The following RNF150 variants were observed in gnomAD, a reference collection of about 807,000 sequenced individuals.
The protein encoded by RNF150 is ring finger protein 150.
A neutral mutation model predicts 39.3 loss-of-function variants in RNF150; 24 were observed. That is an observed-to-expected ratio of 0.61 (90% confidence interval 0.44 to 0.86). RNF150 has a LOEUF of 0.86. Among genes scored for constraint, RNF150 ranks in the 40% least tolerant of loss-of-function variants. The pLI, the probability that RNF150 is intolerant of heterozygous loss-of-function variation, is 0.00. For synonymous variants in RNF150, 255 were observed against 227.3 expected (o/e 1.12, Z -1.10); for missense variants, 502 against 587.8 (o/e 0.85, Z 1.51).
chr4:140,919,838 G>A (rs910583543), intron 5 of RNF150, among the ~76,000 whole-genome samples: 20 of 152,020 alleles, frequency 1.3e-4, no homozygotes, highest in African/African-American at 4.6e-4. Flanking sequence ...CCAAAACAGA[G>A]ATATAGATCA....
intron 1 of RNF150, among the ~76,000 whole-genome samples, chr4:141,027,912 G>GA: frequency 3.7e-5 from 1 of 27,102 alleles, no homozygotes; most frequent in South Asian, 1.0e-3. Flanking sequence ...CTTGGAATTT[G>GA]TTTTTTTTTT....
At chr4:141,140,483 C>T (rs540221623) in intron 1 of RNF150, among the ~76,000 whole-genome samples, 5 of 152,306 alleles carry the variant, frequency 3.3e-5, no homozygotes, top group Admixed American at 6.5e-5. Flanking sequence ...ACTCTCACCA[C>T]AATACATCTG....
intron 1 of RNF150, among the ~76,000 whole-genome samples, chr4:140,993,751 A>C (rs1280502742): frequency 6.6e-6 from 1 of 152,224 alleles, no homozygotes. Flanking sequence ...AAAGATGATA[A>C]GGAGGGTTAT....
At chr4:141,183,512 GATTTT>G (rs36225891) in intron 1 of RNF150, among the ~76,000 whole-genome samples, 4,458 of 151,970 alleles carry the variant, frequency 0.029, 193 homozygotes, top group African/African-American at 0.096. Context: ...ATGTCCTCAA[GATTTT>G]ATTTTATTTT....
At chr4:141,059,691 C>T (rs1014571373) in intron 1 of RNF150, among the ~76,000 whole-genome samples, 1 of 151,968 alleles carries the variant, frequency 6.6e-6, no homozygotes, top group African/African-American at 2.4e-5. Context: ...AGACAATTTA[C>T]CTGAAAATGT....
At chr4:140,935,858 T>C (rs1233832957) in intron 4 of RNF150, among the ~76,000 whole-genome samples, 5 of 152,172 alleles carry the variant, frequency 3.3e-5, no homozygotes, top group Admixed American at 3.3e-4. Flanking sequence ...TTCTTAAGTG[T>C]GTGTATGTTT....
chr4:141,051,282 A>G (rs1000662000), intron 1 of RNF150, among the ~76,000 whole-genome samples: 1 of 152,148 alleles, frequency 6.6e-6, no homozygotes, highest in Non-Finnish European at 1.5e-5. Flanking sequence ...AAGACCTCTG[A>G]CATGCCCTGG....
chr4:141,149,824 G>C (rs970747418), intron 1 of RNF150, among the ~76,000 whole-genome samples: 2 of 152,186 alleles, frequency 1.3e-5, no homozygotes, highest in African/African-American at 4.8e-5. Flanking sequence ...GTTTTCCATA[G>C]CAGTGGTACT....
intron 1 of RNF150, among the ~76,000 whole-genome samples, chr4:141,032,031 CACATATATATATAA>C (rs1171357617): frequency 6.6e-6 from 1 of 151,562 alleles, no homozygotes; most frequent in East Asian, 1.9e-4. Flanking sequence ...TATATATACA[CACATATATATATAA>C]ACATATATAT....
chr4:141,016,601 T>G (rs1162595354), intron 1 of RNF150, among the ~76,000 whole-genome samples: 1 of 152,216 alleles, frequency 6.6e-6, no homozygotes, highest in Non-Finnish European at 1.5e-5. Context: ...GCTCTTGAAT[T>G]CCTTCCTGAG....
At chr4:141,164,838 C>CA (rs1230202452) in intron 1 of RNF150, among the ~76,000 whole-genome samples, 1 of 152,198 alleles carries the variant, frequency 6.6e-6, no homozygotes, top group East Asian at 1.9e-4. Context: ...GCAGCCACTG[C>CA]AAAAATATAC....
At chr4:141,168,612 G>A (rs1203761817) in intron 1 of RNF150, among the ~76,000 whole-genome samples, 4 of 152,132 alleles carry the variant, frequency 2.6e-5, no homozygotes, top group Non-Finnish European at 5.9e-5. Context: ...TACTATGTAG[G>A]CATAAAACTA....
At chr4:140,971,980 T>A (rs1296967595) in intron 1 of RNF150, among the ~76,000 whole-genome samples, 2 of 152,078 alleles carry the variant, frequency 1.3e-5, no homozygotes, top group African/African-American at 2.4e-5. Flanking sequence ...TCTACACTAA[T>A]CTTTACTTCA....
At chr4:141,025,848 T>C (rs1276509384) in intron 1 of RNF150, among the ~76,000 whole-genome samples, 1 of 152,190 alleles carries the variant, frequency 6.6e-6, no homozygotes, top group Non-Finnish European at 1.5e-5. Context: ...ACAGACTGAA[T>C]GTTTGTGTCC....
chr4:141,022,871 T>C (rs1735550080), intron 1 of RNF150, among the ~76,000 whole-genome samples: 2 of 152,198 alleles, frequency 1.3e-5, no homozygotes, highest in Admixed American at 1.3e-4. Flanking sequence ...CTCAAATAAT[T>C]GTCAAAAGCA....
chr4:141,209,196 A>C (rs2111228152), intron 1 of RNF150, among the ~76,000 whole-genome samples: 1 of 152,222 alleles, frequency 6.6e-6, no homozygotes, highest in South Asian at 2.1e-4. Context: ...ACACCCACCA[A>C]GAAAGGGAGG....
Position 141,202,009 on chromosome 4 carries a change from C to T in RNF150, c.-6+10785G>A, listed in dbSNP as rs914631024. On this transcript the variant is annotated intron_variant, in intron 1 of 7. Transcript: ENST00000420921. ...GCTTGCCCTTTCAGCCATGTGAGGG[C>T]ACAGCAAGATGGTGCCATCTATGAG... Among the ~76,000 whole-genome samples, 4 of 152,008 alleles carry T rather than the reference C, an allele frequency of 2.6e-5. No individual in the cohort carries two copies. In the East Asian group the frequency reaches 7.7e-4, roughly 29 times the overall value.
chr4:141,048,863 C>T (rs1236187026), intron 1 of RNF150, among the ~76,000 whole-genome samples: 1 of 152,160 alleles, frequency 6.6e-6, no homozygotes, highest in East Asian at 1.9e-4. Flanking sequence ...TTTGTGGAAG[C>T]TACTTAGGTA....
intron 1 of RNF150, among the ~76,000 whole-genome samples, chr4:141,212,248 TA>T (rs1728480312): frequency 6.6e-6 from 1 of 152,178 alleles, no homozygotes; most frequent in Non-Finnish European, 1.5e-5. Flanking sequence ...ACTTAGCACT[TA>T]ATGTTTCCCA....
Sources: gnomAD v4.1 joint callset for allele counts (sites outside exome capture counted in the v4.1 genomes callset) on GRCh38, gnomAD v4.1.1 for gene constraint, MANE v1.5 for transcripts, NCBI Gene and HGNC (gene_info 2026-07-23, HGNC 2026-07-21) for gene names.